Variants in CUL5 observed in about 807,000 individuals in gnomAD.
CUL5 encodes cullin 5.
A neutral mutation model predicts 108.8 loss-of-function variants in CUL5; 26 were observed. That is an observed-to-expected ratio of 0.24 (90% CI 0.18 to 0.33). The LOEUF is 0.33. Among genes scored for constraint, CUL5 ranks in the 10% least tolerant of loss-of-function variants. CUL5 has a pLI of 1.00. For missense variants in CUL5, 524 were observed against 909.2 expected (o/e 0.58, Z 5.45); for synonymous variants, 334 against 298.0 (o/e 1.12, Z -1.25).
intron 11 of CUL5, among the ~76,000 whole-genome samples, chr11:108,087,341 T>C (rs1864243113): frequency 6.6e-6 from 1 of 152,238 alleles, no homozygotes; most frequent in South Asian, 2.1e-4. Flanking sequence ...TTGTTTGGAT[T>C]ATTTGTATAC....
intron 10 of CUL5, among the ~76,000 whole-genome samples, chr11:108,074,322 G>A (rs565797153): frequency 1.7e-4 from 26 of 151,050 alleles, no homozygotes; most frequent in African/African-American, 5.8e-4. Context: ...AGCCTCTCGA[G>A]TAGCTGGGAT....
At chr11:108,088,809 G>A in intron 12 of CUL5, 150 bp downstream of exon 12, 2 of 537,712 alleles carry the variant, frequency 3.7e-6, no homozygotes, top group Non-Finnish European at 3.0e-6. Context: ...AGACCTCTCG[G>A]GGGGTTATTT....
At chr11:108,047,820 ATAAAT>A (rs1428343778) in intron 3 of CUL5, among the ~76,000 whole-genome samples, 6 of 152,338 alleles carry the variant, frequency 3.9e-5, no homozygotes, top group Admixed American at 3.3e-4. Flanking sequence ...CTTGATAAAG[ATAAAT>A]TATGTTTATT....
Position 108,031,565 on chromosome 11 carries a change from G to A in CUL5, c.25-2237G>A, listed in dbSNP as rs561810390. On this transcript the variant is annotated intron_variant, in intron 1 of 18. Transcript: ENST00000393094. ...TTGAACAGGGAGTCCTTTCTCTTTT[G>A]CTTTTGTCAGGTTTGTTGAAGATCA... 2.5e-3 allele frequency among the ~76,000 whole-genome samples: 381 copies of A among 152,226 alleles called. 2 individuals carry two copies. The highest frequency in any genetic ancestry group is 8.5e-3 in the African/African-American group (353 of 41,536).
At chr11:108,070,037 A>T in intron 7 of CUL5, 59 bp from the exon 8 acceptor site, 1 of 1,026,562 alleles carries the variant, frequency 9.7e-7, no homozygotes, top group Non-Finnish European at 1.5e-6. Context: ...TTTGTGAGTT[A>T]GAATAGATTT....
intron 18 of CUL5, 51 bp downstream of exon 18, chr11:108,098,580 T>G (rs755513330): frequency 4.1e-5 from 58 of 1,399,638 alleles, no homozygotes; most frequent in South Asian, 1.3e-4. Flanking sequence ...TTAGTTTTTT[T>G]TTTTTTTTTT....
chr11:108,020,344 A>G (rs527365642), intron 1 of CUL5, among the ~76,000 whole-genome samples: 16 of 152,310 alleles, frequency 1.1e-4, no homozygotes, highest in Non-Finnish European at 1.5e-4. Context: ...AAGACTTTCC[A>G]GTGGGACAAG....
chr11:108,061,136 C>T (rs892897890), intron 7 of CUL5, among the ~76,000 whole-genome samples: 2 of 152,006 alleles, frequency 1.3e-5, no homozygotes, highest in South Asian at 2.1e-4. Context: ...TTTTTCTTCA[C>T]GGAATCTAGC....
chr11:108,051,799 A>G (rs967699208), intron 4 of CUL5, among the ~76,000 whole-genome samples: 4 of 152,230 alleles, frequency 2.6e-5, no homozygotes, highest in Non-Finnish European at 4.4e-5. Flanking sequence ...CTGAAATTCA[A>G]CCATGGAACT....
At chr11:108,091,805 G>A (rs12418673) in intron 13 of CUL5, among the ~76,000 whole-genome samples, 29,874 of 151,642 alleles carry the variant, frequency 0.2, 3,083 homozygotes, top group Non-Finnish European at 0.22. Context: ...TGGCCAATAA[G>A]TGCATGCAAA....
chr11:108,089,632 ATT>A lies in CUL5; in HGVS notation c.1443+15_1443+16del. 6.8e-7 allele frequency: 1 copy of A among 1,470,122 alleles called. No homozygotes were observed. Among genetic ancestry groups the A allele is most frequent in the Non-Finnish European group, 9.0e-7 (1 of 1,107,656 alleles). The allele number at this position is 1,470,122 out of a possible 1,614,324, so 91.1% of individuals were successfully genotyped here. A position where few individuals can be genotyped will look rare whatever the true frequency, so the allele number is the denominator to read the frequency against. On this transcript the variant is annotated intron_variant, in intron 13 of 18. Coordinates refer to ENST00000393094, the MANE Select transcript of CUL5 (RefSeq NM_003478.6). ...TGGTAGAGTGGCTAAGAGTAAGTAA[ATT>A]TTTTTAAATATTTGGTTTTCTAATA... is the stretch of plus-strand genomic sequence containing the variant.
At chr11:108,076,909 A>C (rs773857815) in intron 10 of CUL5, among the ~76,000 whole-genome samples, 1 of 152,196 alleles carries the variant, frequency 6.6e-6, no homozygotes, top group Non-Finnish European at 1.5e-5. Context: ...TAGTTTTTGG[A>C]GAGATGGTTG....
In CUL5 at chr11:108,065,094, C is replaced by T. The variant is rs570700690; in HGVS notation, c.781-5002C>T. Among the ~76,000 whole-genome samples the T allele has an allele frequency of 9.2e-5, 14 of 151,830 alleles. No individual in the cohort carries two copies. In the South Asian group the frequency reaches 2.5e-3, roughly 27 times the overall value. On this transcript the variant is annotated intron_variant, in intron 7 of 18. Coordinates refer to ENST00000393094, the MANE Select transcript of CUL5 (RefSeq NM_003478.6). Reference sequence around the variant, plus strand: ...AGGCTGGAGTGCAGTGGCATGATCTCGGCTCACTGCAAGCTCCGCCTCCTG... The same window carrying T: ...AGGCTGGAGTGCAGTGGCATGATCTTGGCTCACTGCAAGCTCCGCCTCCTG...
In CUL5 at chr11:108,073,420, A is replaced by G. The variant is rs759921410; in HGVS notation, c.1036A>G (p.Thr346Ala). 2 of 1,584,804 alleles carry G rather than the reference A, an allele frequency of 1.3e-6. No individual in the cohort carries two copies. The highest frequency in any genetic ancestry group is 4.5e-5 in the East Asian group (2 of 44,448). The change falls in exon 10 of 19, where the codon ACA (threonine) becomes GCA (alanine). Residue 346 changes from threonine to alanine, a missense_variant. Physicochemically the swap from Thr to Ala is moderately conservative, Grantham distance 58. Around this residue, in one of 8 missense-constraint regions of CUL5, gnomAD observed 27 missense variants for 21.3 expected, o/e 1.27. Coordinates refer to ENST00000393094, the MANE Select transcript of CUL5 (RefSeq NM_003478.6). ...DSEKYVEQLL[T>A]LFNRFSKLVK... is the part of the protein sequence containing the mutation. ...TGAGAAATACGTTGAGCAGTTACTT[A>G]CACTATTTAATAGATTTAGTAAACT... is the stretch of plus-strand genomic sequence containing the variant.
chr11:108,067,725 TTG>T, intron 7 of CUL5, among the ~76,000 whole-genome samples: 1 of 152,216 alleles, frequency 6.6e-6, no homozygotes, highest in Admixed American at 6.5e-5. Context: ...GGATTCCACT[TTG>T]TCTTTGTTCT....
At chr11:108,082,003 C>A (rs1253248774) in intron 11 of CUL5, among the ~76,000 whole-genome samples, 2 of 152,082 alleles carry the variant, frequency 1.3e-5, no homozygotes, top group East Asian at 3.9e-4. Context: ...TGAAAAAGAC[C>A]TTTGGAATTT....
intron 7 of CUL5, among the ~76,000 whole-genome samples, chr11:108,065,319 GT>G (rs1481243569): frequency 1.3e-5 from 2 of 152,056 alleles, no homozygotes; most frequent in African/African-American, 2.4e-5. Context: ...CACTGCACCT[GT>G]TGGGAGAAAT....
chr11:108,087,165 C>T (rs896490986), intron 11 of CUL5, among the ~76,000 whole-genome samples: 37 of 152,014 alleles, frequency 2.4e-4, no homozygotes, highest in African/African-American at 7.5e-4. Flanking sequence ...GTGAATAAGA[C>T]TTCTCAGGGC....
intron 11 of CUL5, among the ~76,000 whole-genome samples, chr11:108,087,434 T>G (rs1185883727): frequency 3.3e-5 from 5 of 152,318 alleles, no homozygotes; most frequent in African/African-American, 1.2e-4. Flanking sequence ...CAATTTAAAT[T>G]TATTTACATA....
Sources: gnomAD v4.1 joint callset for allele counts (sites outside exome capture counted in the v4.1 genomes callset) on GRCh38, gnomAD v4.1.1 for gene constraint, gnomAD v4.1.1 regional missense constraint, MANE v1.5 for transcripts, NCBI Gene and HGNC (gene_info 2026-07-23, HGNC 2026-07-21) for gene names.